The following PIGK variants were observed in gnomAD, a reference collection of about 807,000 sequenced individuals.
The protein encoded by PIGK is GPI-anchor transamidase.
In PIGK, 42 loss-of-function variants were observed where a neutral mutation model predicts 50.6. The observed-to-expected ratio is 0.83, with a 90% CI of 0.65 to 1.07. The LOEUF is 1.07. Among genes scored for constraint, PIGK ranks in the 50% least tolerant of loss-of-function variants. PIGK has a pLI of 0.00. For missense variants in PIGK, 448 were observed against 488.7 expected, an observed-to-expected ratio of 0.92 and a Z score of 0.78; for synonymous variants, 151 against 156.0, an observed-to-expected ratio of 0.97 and a Z score of 0.24.
intron 10 of PIGK, among the ~76,000 whole-genome samples, chr1:77,104,146 A>G (rs1340578765): frequency 6.6e-6 from 1 of 152,112 alleles, no homozygotes; most frequent in Non-Finnish European, 1.5e-5. Flanking sequence ...CAAAAATCTA[A>G]AGTCCAGCAG....
At chr1:77,107,538 T>C (rs968594837) in intron 10 of PIGK, among the ~76,000 whole-genome samples, 2 of 152,204 alleles carry the variant, frequency 1.3e-5, no homozygotes, top group Non-Finnish European at 2.9e-5. Flanking sequence ...ATAAGTGCGA[T>C]GTGGTGCTGA....
intron 9 of PIGK, chr1:77,154,163 T>A: frequency 2.1e-6 from 1 of 465,608 alleles, no homozygotes; most frequent in South Asian, 4.1e-5. Context: ...GGATAGCCAG[T>A]TATGGGAAAA....
intron 1 of PIGK, among the ~76,000 whole-genome samples, chr1:77,213,050 G>A (rs1017882590): frequency 2.0e-5 from 3 of 152,146 alleles, no homozygotes; most frequent in South Asian, 2.1e-4. Context: ...TCAGCCTCCC[G>A]AGGAGCTGGG....
intron 10 of PIGK, among the ~76,000 whole-genome samples, chr1:77,107,823 G>C (rs909517110): frequency 1.3e-5 from 2 of 152,164 alleles, no homozygotes; most frequent in Non-Finnish European, 2.9e-5. Context: ...TTGTTGAATT[G>C]ATCCCTATAC....
Position 77,151,623 on chromosome 1 carries a change from A to G in PIGK, c.986+2826T>C, listed in dbSNP as rs555670499. ...CTAAAGAGTCCACCAAAACATTCTT[A>G]GAACTGATGAACAAATTCAGTAAAG... On this transcript the variant is annotated intron_variant, in intron 9 of 10. Transcript: ENST00000370812. 2.0e-5 allele frequency among the ~76,000 whole-genome samples: 3 copies of G among 152,322 alleles called. No individual in the cohort carries two copies. In the South Asian group the frequency reaches 6.2e-4, roughly 32 times the overall value.
At position 77,169,320 on chromosome 1, in the gene PIGK, G is replaced by C. The variant is rs1364418332; in HGVS notation, c.315C>G (p.His105Gln). Reference sequence around the variant, plus strand: ...CATACACATTTAGTTCCATATTCTTGTGACTAAACACTGTAGCTGGTTTGG... The same window carrying C: ...CATACACATTTAGTTCCATATTCTTCTGACTAAACACTGTAGCTGGTTTGG... ...RNPKPATVFS[H>Q]KNMELNVYGD... Residue 105 changes from histidine to glutamine, a missense_variant, in exon 4 of 11, where the codon CAC becomes CAG. His to Gln is a conservative substitution (Grantham distance 24, BLOSUM62 0). Transcript: ENST00000370812. The C allele has an allele frequency of 6.2e-7, 1 of 1,600,712 alleles. No homozygotes were observed. The highest frequency in any genetic ancestry group is 8.5e-7 in the Non-Finnish European group (1 of 1,170,946).
chr1:77,103,221 T>C (rs114219282), intron 10 of PIGK, among the ~76,000 whole-genome samples: 1,923 of 152,322 alleles, frequency 0.013, 39 homozygotes, highest in African/African-American at 0.044. Flanking sequence ...GCAATAAAAT[T>C]ACTATTTTTA....
chr1:77,195,397 G>T, intron 3 of PIGK: 1 of 1,152,670 alleles, frequency 8.7e-7, no homozygotes, highest in South Asian at 1.4e-5. Context: ...GAGTGCTAAG[G>T]AGTGAGAGCT....
chr1:77,142,153 G>A (rs553956828), intron 9 of PIGK, among the ~76,000 whole-genome samples: 2 of 152,206 alleles, frequency 1.3e-5, no homozygotes, highest in South Asian at 4.1e-4. Flanking sequence ...TGTTTTTTAA[G>A]TCAGCTACAC....
At chr1:77,107,450 G>C (rs769505644) in intron 10 of PIGK, among the ~76,000 whole-genome samples, 23 of 152,188 alleles carry the variant, frequency 1.5e-4, no homozygotes, top group Non-Finnish European at 3.1e-4. Flanking sequence ...TGTGGTCTGA[G>C]AGACACTTAG....
rs771824227 is a variant in PIGK at position 77,161,699 on chromosome 1, T to C, written c.597A>G (p.Leu199=). Residue 199 remains leucine, a synonymous_variant, in exon 7 of 11, where the codon CTA becomes CTG. Coordinates refer to ENST00000370812, the MANE Select transcript of PIGK (RefSeq NM_005482.3). Reference sequence around the variant, plus strand: ...CTTGGCAAGTATCAATAATAAACAGTAGCTCATTGTAGCTGAAAGAAAAAT... The same window carrying C: ...CTTGGCAAGTATCAATAATAAACAGCAGCTCATTGTAGCTGAAAGAAAAAT... ...QMWQKRRYNE[L]LFIIDTCQGA... 3 of 1,385,078 alleles carry C rather than the reference T, an allele frequency of 2.2e-6. No individual in the cohort carries two copies. Among genetic ancestry groups the C allele is most frequent in the Middle Eastern group, 1.8e-4 (1 of 5,642 alleles). 85.8% of individuals were successfully genotyped at this position (1,385,078 alleles called of 1,614,324 possible).
chr1:77,132,283 T>C (rs941889047), intron 9 of PIGK, among the ~76,000 whole-genome samples: 1 of 152,020 alleles, frequency 6.6e-6, no homozygotes, highest in African/African-American at 2.4e-5. Context: ...AACTACTACC[T>C]ATTTTCTATC....
At chr1:77,153,816 T>C (rs953669623) in intron 9 of PIGK, 4 of 152,098 alleles carry the variant, frequency 2.6e-5, no homozygotes, top group African/African-American at 4.8e-5. Flanking sequence ...TTCTAATAGA[T>C]AGCAACAGAT....
At chr1:77,195,386 A>G in intron 3 of PIGK, 1 of 1,191,990 alleles carries the variant, frequency 8.4e-7, no homozygotes, top group Admixed American at 1.9e-5. Flanking sequence ...ATCAGCACGC[A>G]GAGTGCTAAG....
intron 9 of PIGK, among the ~76,000 whole-genome samples, chr1:77,135,569 T>C (rs553774492): frequency 6.6e-6 from 1 of 152,190 alleles, no homozygotes; most frequent in East Asian, 1.9e-4. Context: ...TGTTATAAAC[T>C]ATTATTATTC....
intron 3 of PIGK, among the ~76,000 whole-genome samples, chr1:77,200,974 G>T (rs1479083723): frequency 6.6e-6 from 1 of 152,134 alleles, no homozygotes; most frequent in Non-Finnish European, 1.5e-5. Flanking sequence ...CATTTTGGCA[G>T]CTGTTATTGA....
chr1:77,216,711 G>A (rs1656575996), intron 1 of PIGK, among the ~76,000 whole-genome samples: 1 of 152,020 alleles, frequency 6.6e-6, no homozygotes, highest in African/African-American at 2.4e-5. Flanking sequence ...ATGTGCTACA[G>A]TGGTTAAGCA....
chr1:77,167,040 TA>T (rs1655250760), intron 4 of PIGK, among the ~76,000 whole-genome samples: 1 of 152,158 alleles, frequency 6.6e-6, no homozygotes, highest in Non-Finnish European at 1.5e-5. Context: ...TTTTTAAAAG[TA>T]CTAAAAACTA....
intron 3 of PIGK, among the ~76,000 whole-genome samples, chr1:77,178,916 G>C (rs114577160): frequency 6.6e-6 from 1 of 152,174 alleles, no homozygotes; most frequent in Non-Finnish European, 1.5e-5. Flanking sequence ...CACTAATGCC[G>C]TAAGTTTTGG....
Sources: gnomAD v4.1 joint callset for allele counts (sites outside exome capture counted in the v4.1 genomes callset) on GRCh38, gnomAD v4.1.1 for gene constraint, MANE v1.5 for transcripts, NCBI Gene and HGNC (gene_info 2026-07-23, HGNC 2026-07-21) for gene names.